The following TTC23L variants were observed in gnomAD, a reference collection of about 807,000 sequenced individuals.
The protein encoded by TTC23L is tetratricopeptide repeat domain 23 like.
Under a neutral mutation model 48.1 loss-of-function variants are expected in TTC23L, and 42 were observed. The observed-to-expected ratio is 0.87, with a 90% CI of 0.68 to 1.13. The LOEUF is 1.13. TTC23L is among the 50% of genes most tolerant of loss of function. TTC23L has a pLI of 0.00. For synonymous variants in TTC23L, 159 were observed against 157.2 expected, an observed-to-expected ratio of 1.01 and a Z score of -0.09; for missense variants, 391 against 421.0, an observed-to-expected ratio of 0.93 and a Z score of 0.62.
intron 9 of TTC23L, among the ~76,000 whole-genome samples, chr5:34,895,567 A>G (rs757349574): frequency 6.6e-6 from 1 of 152,202 alleles, no homozygotes; most frequent in Non-Finnish European, 1.5e-5. Context: ...AAACCAACAG[A>G]AGGAGCAGGG....
chr5:34,895,686 C>A (rs757048289), intron 9 of TTC23L, among the ~76,000 whole-genome samples: 2 of 152,042 alleles, frequency 1.3e-5, no homozygotes, highest in Non-Finnish European at 2.9e-5. Flanking sequence ...AATGGAACAG[C>A]CTCTTTTGGG....
At chr5:34,880,391 T>C (rs1218522367) in intron 9 of TTC23L, 83 bp downstream of exon 9, 2 of 1,397,290 alleles carry the variant, frequency 1.4e-6, no homozygotes, top group Admixed American at 2.6e-5. Context: ...ATTCAGATAC[T>C]GGAGATCAGA....
the TTC23L span, among the ~76,000 whole-genome samples, chr5:34,909,833 A>G: frequency 1.6e-4 from 24 of 152,210 alleles, no homozygotes; most frequent in African/African-American, 4.6e-4. Context: ...TAGACAATTT[A>G]TAAGTGTTAA....
the TTC23L span, chr5:34,922,956 C>A: frequency 7.4e-7 from 1 of 1,344,906 alleles, no homozygotes; most frequent in Non-Finnish European, 1.1e-6. Context: ...CAGTTTTAAA[C>A]AAGGCAGTCT....
chr5:34,880,330 A>G (rs1762139416), intron 9 of TTC23L, 22 bp downstream of exon 9: 3 of 1,592,502 alleles, frequency 1.9e-6, no homozygotes, highest in Non-Finnish European at 1.7e-6. Flanking sequence ...CAATGCATAA[A>G]CAGAATTGCT....
intron 9 of TTC23L, among the ~76,000 whole-genome samples, chr5:34,887,179 A>G (rs755301810): frequency 1.3e-5 from 2 of 152,196 alleles, no homozygotes; most frequent in Non-Finnish European, 2.9e-5. Context: ...AGAAAATAGT[A>G]AATAACAGAA....
Position 34,840,741 on chromosome 5 carries a change from T to TGTTC in TTC23L, c.68+2_68+3insGTTC, listed in dbSNP as rs771161480. On this transcript the variant is annotated splice_region_variant and intron_variant, in intron 2 of 10. Coordinates refer to ENST00000505624, the Ensembl canonical transcript of TTC23L. ...CGACTGGGATTTCTGCTTCCATATG[T>TGTTC]AAGTATCACAGCATTTTGACATCAC... The TGTTC allele has an allele frequency of 6.2e-7, 1 of 1,613,270 alleles. No homozygotes were observed. The highest frequency in any genetic ancestry group is 1.1e-5 in the South Asian group (1 of 91,070).
intron 8 of TTC23L, among the ~76,000 whole-genome samples, chr5:34,871,825 C>T (rs1761489069): frequency 6.6e-6 from 1 of 151,814 alleles, no homozygotes; most frequent in Non-Finnish European, 1.5e-5. Context: ...GATAAATGTG[C>T]AGAAGTAATT....
chr5:34,864,911 C>A (rs1304037975), intron 6 of TTC23L, among the ~76,000 whole-genome samples: 1 of 152,232 alleles, frequency 6.6e-6, no homozygotes, highest in Non-Finnish European at 1.5e-5. Flanking sequence ...CTCACACTCA[C>A]TCTAATATTG....
At chr5:34,924,589 ACAAG>A in the TTC23L span, among the ~76,000 whole-genome samples, 1 of 152,216 alleles carries the variant, frequency 6.6e-6, no homozygotes, top group African/African-American at 2.4e-5. Flanking sequence ...ATGCATTGTG[ACAAG>A]CAAGATGTGA....
At position 34,869,296 on chromosome 5, in the gene TTC23L, C is replaced by T. The variant is rs1054959757; in HGVS notation, c.949+283C>T. 2.0e-5 allele frequency: 7 copies of T among 357,688 alleles called. No homozygotes were observed. In the Admixed American group the frequency reaches 2.6e-4, roughly 14 times the overall value. 22.2% of individuals were successfully genotyped at this position (357,688 alleles called of 1,614,324 possible). On this transcript the variant is annotated intron_variant, in intron 8 of 10. Transcript: ENST00000505624. ...TCTTAACTAATAGATATCACACATA[C>T]TGTGAATGTGGCCTGTGCAGTATCG... is the stretch of plus-strand genomic sequence containing the variant.
intron 9 of TTC23L, among the ~76,000 whole-genome samples, chr5:34,890,697 T>G (rs1762817780): frequency 6.6e-6 from 1 of 152,134 alleles, no homozygotes; most frequent in Admixed American, 6.5e-5. Context: ...GAGACAAAGG[T>G]AGAATTTTAA....
At chr5:34,908,718 C>G in the TTC23L span, 1 of 1,475,020 alleles carries the variant, frequency 6.8e-7, no homozygotes, top group East Asian at 2.3e-5. Context: ...AGAATAAGAA[C>G]TTCATCTATC....
the TTC23L span, chr5:34,918,631 A>T: frequency 2.1e-6 from 1 of 476,984 alleles, no homozygotes; most frequent in Non-Finnish European, 3.8e-6. Flanking sequence ...TCCAGTTAAC[A>T]TTTCGTAAGA....
At chr5:34,870,589 C>A (rs897779764) in intron 8 of TTC23L, among the ~76,000 whole-genome samples, 3 of 152,138 alleles carry the variant, frequency 2.0e-5, no homozygotes, top group African/African-American at 7.2e-5. Flanking sequence ...GAGGAGAAAA[C>A]ACTTTCTATG....
chr5:34,909,118 G>A, the TTC23L span: 1 of 870,652 alleles, frequency 1.1e-6, no homozygotes, highest in Non-Finnish European at 1.8e-6. Flanking sequence ...ACATCCCCTA[G>A]TAAGTCCAGC....
At chr5:34,904,570 G>A in the TTC23L span, among the ~76,000 whole-genome samples, 1 of 150,578 alleles carries the variant, frequency 6.6e-6, no homozygotes. Context: ...CTCCAGCCTG[G>A]CAACAGAGTG....
Position 34,882,777 on chromosome 5 carries a change from C to A in TTC23L, c.1077+2469C>A, listed in dbSNP as rs146942085. 2.2e-3 allele frequency among the ~76,000 whole-genome samples: 328 copies of A among 152,304 alleles called. 4 individuals carry two copies. Among genetic ancestry groups the A allele is most frequent in the African/African-American group, 7.5e-3 (312 of 41,560 alleles). ...AATCACGGCTGGGTATGGAGACTCA[C>A]ACCTGTAATCCCAGCACTTTGCGAG... is the stretch of plus-strand genomic sequence containing the variant. On this transcript the variant is annotated intron_variant, in intron 9 of 10. Coordinates refer to ENST00000505624, the Ensembl canonical transcript of TTC23L.
chr5:34,884,123 T>C (rs1199053436), intron 9 of TTC23L, among the ~76,000 whole-genome samples: 4 of 152,186 alleles, frequency 2.6e-5, no homozygotes, highest in African/African-American at 9.6e-5. Flanking sequence ...ATCAATGAGA[T>C]ACACCACCTT....
Sources: allele counts gnomAD v4.1 joint callset (sites outside exome capture counted in the v4.1 genomes callset), GRCh38; gene constraint gnomAD v4.1.1; transcripts MANE v1.5; gene names NCBI Gene and HGNC (gene_info 2026-07-23, HGNC 2026-07-21).